The following STARD13 variants were observed in gnomAD, a reference collection of about 807,000 sequenced individuals.
The protein encoded by STARD13 is stAR-related lipid transfer protein 13.
Under a neutral mutation model 106.4 loss-of-function variants are expected in STARD13, and 62 were observed. The ratio of observed to expected loss-of-function variants is 0.58; its 90% CI spans 0.48 to 0.72. The LOEUF (loss-of-function observed/expected upper bound fraction) is 0.72, where lower values mean the gene tolerates loss of function less well. Ranked by LOEUF, STARD13 falls within the 30% of genes least tolerant of loss-of-function variation. The pLI, the probability that STARD13 is intolerant of heterozygous loss-of-function variation, is 0.00. For missense variants in STARD13, 1,387 were observed against 1,424.0 expected (o/e 0.97, Z 0.42); for synonymous variants, 565 against 553.0 (o/e 1.02, Z -0.31).
the STARD13 span, among the ~76,000 whole-genome samples, chr13:33,373,693 A>G: frequency 6.6e-6 from 1 of 152,164 alleles, no homozygotes; most frequent in Non-Finnish European, 1.5e-5. Context: ...AAGATGCTCA[A>G]TATCTTCAAT....
chr13:33,220,106 A>G (rs531269375), intron 1 of STARD13, among the ~76,000 whole-genome samples: 1 of 152,298 alleles, frequency 6.6e-6, no homozygotes, highest in East Asian at 1.9e-4. Context: ...GGACATTGAT[A>G]TATCTTCAGT....
chr13:33,478,151 G>T, the STARD13 span, among the ~76,000 whole-genome samples: 2 of 152,112 alleles, frequency 1.3e-5, no homozygotes, highest in African/African-American at 2.4e-5. Context: ...TTAGTTGGCT[G>T]GGGAGATGGA....
chr13:33,457,218 A>G, the STARD13 span, among the ~76,000 whole-genome samples: 21 of 152,266 alleles, frequency 1.4e-4, 1 homozygote. Flanking sequence ...ATCAACAATC[A>G]GAACACAAAG....
At chr13:33,231,876 C>T (rs771083448) in intron 1 of STARD13, among the ~76,000 whole-genome samples, 1 of 152,184 alleles carries the variant, frequency 6.6e-6, no homozygotes, top group Non-Finnish European at 1.5e-5. Flanking sequence ...GGATTGGTTC[C>T]AGGCTCCCCT....
At chr13:33,400,220 C>T in the STARD13 span, among the ~76,000 whole-genome samples, 2 of 152,168 alleles carry the variant, frequency 1.3e-5, no homozygotes, top group East Asian at 1.9e-4. Flanking sequence ...AGTTAGAGCA[C>T]ACAGTGTCTT....
the STARD13 span, among the ~76,000 whole-genome samples, chr13:33,579,281 A>G: frequency 6.6e-6 from 1 of 152,084 alleles, no homozygotes; most frequent in Non-Finnish European, 1.5e-5. Context: ...GATAAAGAAA[A>G]TGTGCTACTA....
At chr13:33,137,629 G>A (rs947370625) in intron 4 of STARD13, among the ~76,000 whole-genome samples, 1 of 152,284 alleles carries the variant, frequency 6.6e-6, no homozygotes, top group African/African-American at 2.4e-5. Context: ...TGAAGAGCTC[G>A]TCATGTTGAG....
intron 3 of STARD13, among the ~76,000 whole-genome samples, chr13:33,164,620 T>C (rs1883112036): frequency 6.6e-6 from 1 of 152,210 alleles, no homozygotes; most frequent in African/African-American, 2.4e-5. Context: ...CATTTAATTC[T>C]TCAGGAATAT....
At chr13:33,176,584 G>T (rs1884543717) in intron 1 of STARD13, among the ~76,000 whole-genome samples, 1 of 152,136 alleles carries the variant, frequency 6.6e-6, no homozygotes, top group African/African-American at 2.4e-5. Context: ...AATAGATATT[G>T]ACATTATATA....
the STARD13 span, among the ~76,000 whole-genome samples, chr13:33,663,571 A>T: frequency 6.6e-6 from 1 of 152,208 alleles, no homozygotes; most frequent in African/African-American, 2.4e-5. Flanking sequence ...TTAGTTTGGG[A>T]TCAATTATGT....
the STARD13 span, among the ~76,000 whole-genome samples, chr13:33,487,853 T>A: frequency 6.6e-6 from 1 of 152,210 alleles, no homozygotes; most frequent in Non-Finnish European, 1.5e-5. Context: ...TTCTTCACCT[T>A]TTGCAATCTG....
the STARD13 span, among the ~76,000 whole-genome samples, chr13:33,644,049 G>A: frequency 1.3e-5 from 2 of 152,236 alleles, no homozygotes; most frequent in Non-Finnish European, 2.9e-5. Flanking sequence ...TGAAACAACA[G>A]GGAAATTCCC....
intron 1 of STARD13, chr13:33,274,113 A>G (rs943846696): frequency 1.3e-5 from 2 of 151,708 alleles, no homozygotes; most frequent in Non-Finnish European, 2.9e-5. Flanking sequence ...TTGATGTAAC[A>G]AATAAAATTG....
chr13:33,544,633 GA>G, the STARD13 span, among the ~76,000 whole-genome samples: 3 of 151,350 alleles, frequency 2.0e-5, no homozygotes, highest in Admixed American at 2.0e-4. Flanking sequence ...GTGAAAAGAA[GA>G]AAAAAAAGAT....
chr13:33,389,235 GGCTTGA>G, the STARD13 span, among the ~76,000 whole-genome samples: 1 of 152,092 alleles, frequency 6.6e-6, no homozygotes. Context: ...TGGGATTACA[GGCTTGA>G]GCCACCGCAC....
chr13:33,512,336 C>T, the STARD13 span, among the ~76,000 whole-genome samples: 1 of 152,140 alleles, frequency 6.6e-6, no homozygotes, highest in Non-Finnish European at 1.5e-5. Context: ...TCTTGCTTTT[C>T]TTACAAGATG....
chr13:33,225,085 A>G (rs1457979934), intron 1 of STARD13, among the ~76,000 whole-genome samples: 1 of 152,250 alleles, frequency 6.6e-6, no homozygotes, highest in East Asian at 1.9e-4. Context: ...AAAAATAGAT[A>G]TATTTCTTTC....
At chr13:33,373,499 A>C in the STARD13 span, among the ~76,000 whole-genome samples, 1 of 152,300 alleles carries the variant, frequency 6.6e-6, no homozygotes, top group South Asian at 2.1e-4. Context: ...ATAAGAAAGG[A>C]CACTGCAGAG....
At chr13:33,650,164 ATTTTTTTTTTTTTTTTTTTTTTTTTTTT>A in the STARD13 span, among the ~76,000 whole-genome samples, 7 of 48,374 alleles carry the variant, frequency 1.4e-4, no homozygotes, top group South Asian at 6.2e-4. Flanking sequence ...CGTGACTCCA[ATTTTTTTTTTTTTTTTTTTTTTTTTTTT>A]TTTTTTTTTT....
Sources: allele counts gnomAD v4.1 joint callset (sites outside exome capture counted in the v4.1 genomes callset), GRCh38; gene constraint gnomAD v4.1.1; transcripts MANE v1.5; gene names NCBI Gene and HGNC (gene_info 2026-07-23, HGNC 2026-07-21).